Variants in OPCML observed in about 807,000 individuals in gnomAD.
OPCML encodes the protein opioid binding protein/cell adhesion molecule like.
Under a neutral mutation model 37.8 loss-of-function variants are expected in OPCML, and 13 were observed. The observed-to-expected ratio is 0.34, with a 90% confidence interval of 0.22 to 0.55. OPCML has a LOEUF of 0.55. Among genes scored for constraint, OPCML ranks in the 20% least tolerant of loss-of-function variants. The pLI, the probability that OPCML is intolerant of heterozygous loss-of-function variation, is 0.91. For synonymous variants in OPCML, 176 were observed against 168.8 expected (o/e 1.04, Z -0.33); for missense variants, 341 against 435.6 (o/e 0.78, Z 1.93).
At chr11:132,907,797 T>TA (rs148731264) in intron 2 of OPCML, among the ~76,000 whole-genome samples, 16,435 of 152,110 alleles carry the variant, frequency 0.11, 1,210 homozygotes, top group African/African-American at 0.19. Context: ...GTTGCTCTGT[T>TA]ACAGCACCAG....
chr11:133,471,974 C>G (rs552683452), intron 1 of OPCML, among the ~76,000 whole-genome samples: 1 of 152,318 alleles, frequency 6.6e-6, no homozygotes, highest in South Asian at 2.1e-4. Flanking sequence ...GACCCTAACA[C>G]GTCTGACCAT....
At chr11:133,344,041 A>G (rs1943939097) in intron 1 of OPCML, among the ~76,000 whole-genome samples, 1 of 152,196 alleles carries the variant, frequency 6.6e-6, no homozygotes, top group South Asian at 2.1e-4. Context: ...CTGCGAGGAA[A>G]CACATTGACA....
intron 2 of OPCML, among the ~76,000 whole-genome samples, chr11:132,801,657 A>G (rs1020863523): frequency 1.3e-5 from 2 of 152,214 alleles, no homozygotes; most frequent in Non-Finnish European, 2.9e-5. Flanking sequence ...CAGAGAAGAA[A>G]CTGAGATGGG....
intron 1 of OPCML, among the ~76,000 whole-genome samples, chr11:133,088,374 A>C (rs1234692398): frequency 6.6e-6 from 1 of 152,196 alleles, no homozygotes; most frequent in Non-Finnish European, 1.5e-5. Context: ...CTTTCATACA[A>C]GGGGCAAGAT....
chr11:133,405,338 C>A (rs909224607), intron 1 of OPCML, among the ~76,000 whole-genome samples: 2 of 152,176 alleles, frequency 1.3e-5, no homozygotes, highest in African/African-American at 4.8e-5. Context: ...CTGTGTCTTG[C>A]GGCCACAGAT....
chr11:132,913,162 T>A (rs867737470), intron 2 of OPCML, among the ~76,000 whole-genome samples: 6 of 152,300 alleles, frequency 3.9e-5, no homozygotes, highest in Middle Eastern at 3.4e-3. Flanking sequence ...ACTGCATTGA[T>A]TGAAATTGAT....
At chr11:133,167,054 G>A (rs1388525223) in intron 1 of OPCML, among the ~76,000 whole-genome samples, 1 of 152,154 alleles carries the variant, frequency 6.6e-6, no homozygotes, top group Non-Finnish European at 1.5e-5. Context: ...GTAAAAAGAG[G>A]CTGAACAGCC....
chr11:132,929,357 A>G (rs1945112322), intron 2 of OPCML, among the ~76,000 whole-genome samples: 1 of 152,122 alleles, frequency 6.6e-6, no homozygotes, highest in Non-Finnish European at 1.5e-5. Flanking sequence ...AAATGGCCAA[A>G]TTTCTAGAAA....
In OPCML at chr11:133,000,449, G is replaced by A. The variant is rs146700121; in HGVS notation, c.62-57439C>T. Among the ~76,000 whole-genome samples the A allele has an allele frequency of 7.9e-5, 12 of 152,290 alleles. No homozygotes were observed. The East Asian group carries it at 2.3e-3, about 29-fold the overall frequency. On this transcript the variant is annotated intron_variant, in intron 1 of 7. Coordinates refer to ENST00000524381, the MANE Select transcript of OPCML (RefSeq NM_001012393.5). ...CAGAACTTCTAAGTATAAACCTGTA[G>A]TTACAGATGTACCATACAATACCCT...
chr11:133,467,950 C>G (rs1376733116), intron 1 of OPCML, among the ~76,000 whole-genome samples: 1 of 152,180 alleles, frequency 6.6e-6, no homozygotes, highest in African/African-American at 2.4e-5. Flanking sequence ...GTCTTCTCCT[C>G]CTTGGCCACT....
intron 1 of OPCML, among the ~76,000 whole-genome samples, chr11:132,970,552 T>C (rs1946318372): frequency 6.6e-6 from 1 of 152,234 alleles, no homozygotes; most frequent in Non-Finnish European, 1.5e-5. Flanking sequence ...TTTAAAATTA[T>C]TTATTGTGGC....
intron 1 of OPCML, among the ~76,000 whole-genome samples, chr11:132,988,194 G>A (rs1348287112): frequency 1.3e-5 from 2 of 152,182 alleles, no homozygotes; most frequent in Admixed American, 1.3e-4. Flanking sequence ...CCAGTAAGCA[G>A]CCAGGCTGAG....
chr11:132,420,166 G>T lies in OPCML; in HGVS notation c.*27C>A. Reference sequence around the variant, plus strand: ...AAGTCTGTGATATGGAGAAGCAGGCGTTGCTCAGAGGACCTAGGATTTCTT... The same window carrying T: ...AAGTCTGTGATATGGAGAAGCAGGCTTTGCTCAGAGGACCTAGGATTTCTT... On this transcript the variant is annotated 3_prime_UTR_variant, in exon 8 of 8. Coordinates refer to ENST00000524381, the MANE Select transcript of OPCML (RefSeq NM_001012393.5). The T allele has an allele frequency of 2.5e-6, 4 of 1,602,434 alleles. No homozygotes were observed. The African/African-American group carries it at 4.0e-5, about 16-fold the overall frequency.
At chr11:133,107,814 C>G (rs1949184651) in intron 1 of OPCML, among the ~76,000 whole-genome samples, 1 of 152,202 alleles carries the variant, frequency 6.6e-6, no homozygotes, top group South Asian at 2.1e-4. Flanking sequence ...TGTTCTGTAA[C>G]AACTCATTTT....
chr11:133,008,237 G>A (rs912897629), intron 1 of OPCML: 1 of 985,316 alleles, frequency 1.0e-6, no homozygotes, highest in African/African-American at 1.7e-5. Context: ...TTGGCCACTT[G>A]TGACTTAGTA....
At chr11:132,701,561 A>G (rs1943817973) in intron 2 of OPCML, among the ~76,000 whole-genome samples, 1 of 152,130 alleles carries the variant, frequency 6.6e-6, no homozygotes, top group South Asian at 2.1e-4. Flanking sequence ...GTCCTTGTTG[A>G]CAGCAAATAG....
chr11:132,850,230 G>A (rs760219818), intron 2 of OPCML, among the ~76,000 whole-genome samples: 16 of 152,118 alleles, frequency 1.1e-4, no homozygotes, highest in East Asian at 1.9e-4. Context: ...GAAGGAAAGC[G>A]AGCCCTACTT....
At chr11:132,646,731 T>C (rs905497140) in intron 3 of OPCML, among the ~76,000 whole-genome samples, 18 of 152,030 alleles carry the variant, frequency 1.2e-4, no homozygotes, top group Admixed American at 1.2e-3. Flanking sequence ...TGAATAGAAA[T>C]GCGAATTACG....
chr11:132,973,255 G>A (rs1946382352), intron 1 of OPCML, among the ~76,000 whole-genome samples: 1 of 152,046 alleles, frequency 6.6e-6, no homozygotes, highest in Admixed American at 6.6e-5. Flanking sequence ...CTGTGCAAGT[G>A]GGTATTGTCA....
Sources: allele counts gnomAD v4.1 joint callset (sites outside exome capture counted in the v4.1 genomes callset), GRCh38; gene constraint gnomAD v4.1.1; transcripts MANE v1.5; gene names NCBI Gene and HGNC (gene_info 2026-07-23, HGNC 2026-07-21).